The following TSHZ2 variants were observed in gnomAD, a reference collection of about 807,000 sequenced individuals.
TSHZ2 encodes teashirt homolog 2.
TSHZ2 carries 21 observed loss-of-function variants against 74.4 expected under a neutral mutation model. The observed-to-expected ratio is 0.28, with a 90% confidence interval of 0.20 to 0.41. The LOEUF is 0.41. Among genes scored for constraint, TSHZ2 ranks in the 10% least tolerant of loss-of-function variants. The pLI, the probability that TSHZ2 is intolerant of heterozygous loss-of-function variation, is 1.00. For missense variants in TSHZ2, 1,244 were observed against 1,293.5 expected (o/e 0.96, Z 0.59); for synonymous variants, 540 against 515.3 (o/e 1.05, Z -0.65).
intron 1 of TSHZ2, among the ~76,000 whole-genome samples, chr20:53,176,967 G>A (rs1167521576): frequency 6.6e-6 from 1 of 152,090 alleles, no homozygotes; most frequent in Non-Finnish European, 1.5e-5. Context: ...TTACAGGCAC[G>A]AGCCATCGCA....
In TSHZ2 at chr20:53,159,988, G is replaced by A. The variant is rs1334036634; in HGVS notation, c.41-93511G>A. Among the ~76,000 whole-genome samples the A allele has an allele frequency of 2.0e-5, 3 of 152,204 alleles. 1 individual carries two copies. The highest frequency in any genetic ancestry group is 2.0e-4 in the Admixed American group (3 of 15,288). On this transcript the variant is annotated intron_variant, in intron 1 of 2. Coordinates refer to ENST00000371497, the MANE Select transcript of TSHZ2 (RefSeq NM_173485.6). ...GAGGAGGCTTTCCTGAGGACGTTGT[G>A]TTTGAGGTAGGAGCTGAATGATGAG... is the stretch of plus-strand genomic sequence containing the variant.
chr20:53,151,889 C>T (rs1461250173), intron 1 of TSHZ2, among the ~76,000 whole-genome samples: 1 of 151,994 alleles, frequency 6.6e-6, no homozygotes, highest in East Asian at 1.9e-4. Context: ...AAGATACATA[C>T]AAAATAATAT....
chr20:53,394,116 C>G (rs1982358846), intron 2 of TSHZ2, among the ~76,000 whole-genome samples: 1 of 152,180 alleles, frequency 6.6e-6, no homozygotes, highest in Non-Finnish European at 1.5e-5. Context: ...AAAAGTTGTC[C>G]TGTGTTTAAT....
chr20:53,129,990 T>C (rs1987057845), intron 1 of TSHZ2, among the ~76,000 whole-genome samples: 1 of 151,878 alleles, frequency 6.6e-6, no homozygotes, highest in African/African-American at 2.4e-5. Context: ...GCAAAAGGTG[T>C]TCTTAGAGAT....
At chr20:53,429,622 T>C (rs1983768147) in intron 2 of TSHZ2, among the ~76,000 whole-genome samples, 1 of 152,202 alleles carries the variant, frequency 6.6e-6, no homozygotes, top group African/African-American at 2.4e-5. Context: ...CTTTCTTTTG[T>C]AAATTGCCCA....
rs1298945285 is a variant in TSHZ2 at position 53,074,173 on chromosome 20, A to G, written c.40+100840A>G. Among the ~76,000 whole-genome samples, 1 of 152,208 alleles carries G rather than the reference A, an allele frequency of 6.6e-6. No homozygotes were observed. The highest frequency in any genetic ancestry group is 2.4e-5 in the African/African-American group (1 of 41,444). On this transcript the variant is annotated intron_variant, in intron 1 of 2. Coordinates refer to ENST00000371497, the MANE Select transcript of TSHZ2 (RefSeq NM_173485.6). This position sits in a 1 kb window ranked among gnomAD's most constrained non-coding sequence, Gnocchi z 5.9. ...ACTGCTGTTCAAATGTCGCCTTCTCAATGGAGCCCTCCTTGACCACTCCCT... is the reference window on the plus strand; with the variant it reads ...ACTGCTGTTCAAATGTCGCCTTCTCGATGGAGCCCTCCTTGACCACTCCCT...
intron 1 of TSHZ2, among the ~76,000 whole-genome samples, chr20:53,114,616 C>T (rs1048485155): frequency 6.6e-6 from 1 of 152,056 alleles, no homozygotes; most frequent in Non-Finnish European, 1.5e-5. Context: ...TCAGTGCAAA[C>T]TTGTTGGTGT....
In TSHZ2 at chr20:53,112,855, T is replaced by C. The variant is rs974629230; in HGVS notation, c.40+139522T>C. On this transcript the variant is annotated intron_variant, in intron 1 of 2. Coordinates refer to ENST00000371497, the MANE Select transcript of TSHZ2 (RefSeq NM_173485.6). ...CGTTTTTGATGTAACATAAATCCCATCTACTGAGATTACATGAACAAGCTT... is the reference window on the plus strand; with the variant it reads ...CGTTTTTGATGTAACATAAATCCCACCTACTGAGATTACATGAACAAGCTT... 2.6e-5 allele frequency among the ~76,000 whole-genome samples: 4 copies of C among 152,210 alleles called. No homozygotes were observed. The East Asian group carries it at 7.7e-4, about 29-fold the overall frequency.
intron 2 of TSHZ2, chr20:53,397,626 G>A (rs1600606573): frequency 6.6e-6 from 1 of 152,188 alleles, no homozygotes. Context: ...CCATTACTGG[G>A]TATATACCCA....
intron 2 of TSHZ2, among the ~76,000 whole-genome samples, chr20:53,445,798 G>C (rs1984523505): frequency 6.6e-6 from 1 of 152,178 alleles, no homozygotes; most frequent in African/African-American, 2.4e-5. Flanking sequence ...AACCCACCAG[G>C]GGAGAGGGAA....
chr20:53,096,482 A>G (rs140413211), intron 1 of TSHZ2, among the ~76,000 whole-genome samples: 12 of 152,196 alleles, frequency 7.9e-5, no homozygotes, highest in Admixed American at 5.9e-4. Context: ...TTCAGTGATT[A>G]TAAATGACAA....
intron 2 of TSHZ2, among the ~76,000 whole-genome samples, chr20:53,380,688 G>A (rs751107493): frequency 6.6e-6 from 1 of 152,156 alleles, no homozygotes; most frequent in Non-Finnish European, 1.5e-5. Context: ...TTATCCAAGT[G>A]ATCACTTTGA....
chr20:53,202,792 A>G (rs1444980566), intron 1 of TSHZ2, among the ~76,000 whole-genome samples: 1 of 152,176 alleles, frequency 6.6e-6, no homozygotes, highest in East Asian at 1.9e-4. Flanking sequence ...AGCAAGACTT[A>G]ACTGTTTTGT....
chr20:53,387,617 T>G (rs1982096701), intron 2 of TSHZ2, among the ~76,000 whole-genome samples: 2 of 152,174 alleles, frequency 1.3e-5, no homozygotes, highest in African/African-American at 2.4e-5. Flanking sequence ...ACCTGACACT[T>G]GGACTCCCCT....
In TSHZ2 at chr20:53,340,177, C is replaced by CTT. The variant is rs74177489; in HGVS notation, c.*8+83611_*8+83612dup. 2.2e-3 allele frequency among the ~76,000 whole-genome samples: 210 copies of CTT among 93,988 alleles called. 4 individuals are homozygous for CTT. The highest frequency in any genetic ancestry group is 9.5e-3 in the East Asian group (27 of 2,846). 61.7% of individuals were successfully genotyped at this position (93,988 alleles called of 152,430 possible). The stretch of plus-strand genomic sequence containing the variant: ...GGATAAAACAAGGTGACTTTTCTTT[C>CTT]TTTTTTCTTTTTTTTTTTTTTTTGA... On this transcript the variant is annotated intron_variant, in intron 2 of 2. Coordinates refer to ENST00000371497, the MANE Select transcript of TSHZ2 (RefSeq NM_173485.6).
intron 2 of TSHZ2, among the ~76,000 whole-genome samples, chr20:53,313,048 A>C (rs1342750572): frequency 1.3e-5 from 2 of 152,228 alleles, no homozygotes; most frequent in African/African-American, 4.8e-5. Context: ...CTGTTTGAAA[A>C]GAGACACCTG....
chr20:53,003,255 G>GGC lies in TSHZ2; in HGVS notation c.40+29923_40+29924insCG, dbSNP rs1982505259. 7.2e-5 allele frequency among the ~76,000 whole-genome samples: 10 copies of GGC among 139,514 alleles called. No individual in the cohort carries two copies. In the Admixed American group the frequency reaches 7.2e-4, roughly 10 times the overall value. The allele number at this position is 139,514 out of a possible 152,430, so 91.5% of individuals were successfully genotyped here. A position where few individuals can be genotyped will look rare whatever the true frequency, so the allele number is the denominator to read the frequency against. ...CAGCCTCCTGTTTTTCTCCAGGGAT[G>GGC]GTGTGTGTGTGTGTGTGTGTGTGTG... On this transcript the variant is annotated intron_variant, in intron 1 of 2. Coordinates refer to ENST00000371497, the MANE Select transcript of TSHZ2 (RefSeq NM_173485.6).
chr20:53,238,365 G>A (rs1466602710), intron 1 of TSHZ2, among the ~76,000 whole-genome samples: 2 of 152,088 alleles, frequency 1.3e-5, no homozygotes, highest in African/African-American at 2.4e-5. Flanking sequence ...ATGTCTGTGA[G>A]GACCAAGGGG....
chr20:53,099,435 A>G (rs550742182), intron 1 of TSHZ2, among the ~76,000 whole-genome samples: 2 of 147,452 alleles, frequency 1.4e-5, no homozygotes, highest in South Asian at 4.5e-4. Context: ...ATCTGAAATA[A>G]AAATGGTCCC....
Sources: allele counts gnomAD v4.1 joint callset (sites outside exome capture counted in the v4.1 genomes callset), GRCh38; gene constraint gnomAD v4.1.1; non-coding constraint Gnocchi (gnomAD v3.1); transcripts MANE v1.5; gene names NCBI Gene and HGNC (gene_info 2026-07-23, HGNC 2026-07-21).